SNX8: variants seen among roughly 807,000 people sequenced by gnomAD.
SNX8 encodes sorting nexin-8.
In SNX8, 25 loss-of-function variants were observed where a neutral mutation model predicts 51.6. The ratio of observed to expected loss-of-function variants is 0.48; its 90% CI spans 0.35 to 0.68. The LOEUF is 0.68. Among genes scored for constraint, SNX8 ranks in the 30% least tolerant of loss-of-function variants. The probability of loss-of-function intolerance (pLI) is 0.00; values close to 1 mark genes in which losing one functional copy is unlikely to be tolerated. For synonymous variants in SNX8, 324 were observed against 277.0 expected, an observed-to-expected ratio of 1.17 and a Z score of -1.68; for missense variants, 695 against 624.0, an observed-to-expected ratio of 1.11 and a Z score of -1.21.
At chr7:2,343,214 A>G (rs944600516) in intron 1 of SNX8, among the ~76,000 whole-genome samples, 1 of 151,788 alleles carries the variant, frequency 6.6e-6, no homozygotes, top group African/African-American at 2.4e-5. Context: ...TACAGGCATG[A>G]GCCACCGCAC....
At chr7:2,345,910 C>T (rs918435174) in intron 1 of SNX8, among the ~76,000 whole-genome samples, 10 of 151,902 alleles carry the variant, frequency 6.6e-5, no homozygotes, top group East Asian at 3.9e-4. Flanking sequence ...TGGGTTCAAG[C>T]GATTCTCCTA....
upstream of SNX8, among the ~76,000 whole-genome samples, chr7:2,317,324 A>C (rs893893365): frequency 9.1e-6 from 1 of 110,252 alleles, no homozygotes; most frequent in Non-Finnish European, 1.7e-5. Flanking sequence ...TGTTGCCTGG[A>C]GCGGAGGGCA....
intron 1 of SNX8, among the ~76,000 whole-genome samples, chr7:2,283,602 G>A (rs144722202): frequency 0.014 from 2,126 of 152,272 alleles, 50 homozygotes; most frequent in African/African-American, 0.048. Flanking sequence ...CACGACACAC[G>A]GCTGCTGTCC....
chr7:2,298,127 T>G (rs888583434), intron 1 of SNX8, among the ~76,000 whole-genome samples: 1 of 152,056 alleles, frequency 6.6e-6, no homozygotes, highest in African/African-American at 2.4e-5. Context: ...TTCTTATTTT[T>G]AGAGAGGATC....
chr7:2,334,211 G>C (rs969027416), intron 1 of SNX8, among the ~76,000 whole-genome samples: 2 of 152,070 alleles, frequency 1.3e-5, no homozygotes, highest in African/African-American at 4.8e-5. Context: ...AGACCATCTT[G>C]GCTAACACGG....
chr7:2,251,863 C>T lies in SNX8; in HGVS notation c.*3193G>A, dbSNP rs1043003697. 6.6e-6 allele frequency: 1 copy of T among 152,326 alleles called. No individual in the cohort carries two copies. The highest frequency in any genetic ancestry group is 6.5e-5 in the Admixed American group (1 of 15,282). 9.4% of individuals were successfully genotyped at this position (152,326 alleles called of 1,614,324 possible). ...TGTTGGGTATATTGGGTATTGATCC[C>T]TGCAGCCTCCTAAAGTGCTTTGGAC... On this transcript the variant is annotated 3_prime_UTR_variant, in exon 11 of 11. Coordinates refer to ENST00000222990, the MANE Select transcript of SNX8 (RefSeq NM_013321.4).
At chr7:2,326,136 C>T (rs564336796) in intron 1 of SNX8, among the ~76,000 whole-genome samples, 30 of 152,012 alleles carry the variant, frequency 2.0e-4, no homozygotes, top group Non-Finnish European at 3.4e-4. Context: ...CTGTGGGAGG[C>T]TGAGTTGGGA....
chr7:2,327,555 C>A (rs1360792723), intron 1 of SNX8, among the ~76,000 whole-genome samples: 1 of 152,146 alleles, frequency 6.6e-6, no homozygotes, highest in Non-Finnish European at 1.5e-5. Context: ...CTACATGTGC[C>A]CGCCACCATG....
At chr7:2,295,311 C>G (rs1334944619) in intron 1 of SNX8, among the ~76,000 whole-genome samples, 2 of 148,314 alleles carry the variant, frequency 1.3e-5, no homozygotes, top group Non-Finnish European at 3.0e-5. Context: ...GTCTGAGGCT[C>G]GAGAACTGCT....
At chr7:2,345,043 A>G (rs1778995770) in intron 1 of SNX8, among the ~76,000 whole-genome samples, 1 of 152,186 alleles carries the variant, frequency 6.6e-6, no homozygotes, top group Non-Finnish European at 1.5e-5. Flanking sequence ...TTTGGAGAAC[A>G]ACTTGTTAAT....
At chr7:2,274,870 C>T (rs1795739846) in intron 3 of SNX8, 1 of 518,534 alleles carries the variant, frequency 1.9e-6, no homozygotes, top group Admixed American at 3.3e-5. Context: ...AGGGCTTCCC[C>T]ACCTGTCAGT....
upstream of SNX8, among the ~76,000 whole-genome samples, chr7:2,314,847 T>C (rs1796728573): frequency 6.6e-6 from 1 of 152,060 alleles, no homozygotes; most frequent in South Asian, 2.1e-4. Context: ...CACCCACTCA[T>C]TCGCTCACCC....
At chr7:2,305,761 G>A (rs772057953) in intron 1 of SNX8, among the ~76,000 whole-genome samples, 3 of 151,942 alleles carry the variant, frequency 2.0e-5, no homozygotes, top group Non-Finnish European at 4.4e-5. Flanking sequence ...TACCAAACAC[G>A]TGTAACCACC....
chr7:2,345,172 C>A (rs1199814094), intron 1 of SNX8, among the ~76,000 whole-genome samples: 3 of 151,952 alleles, frequency 2.0e-5, no homozygotes, highest in Admixed American at 2.0e-4. Context: ...CTATTTATAA[C>A]ACTGAAAAAA....
chr7:2,256,167 TA>T (rs11308322), intron 10 of SNX8, among the ~76,000 whole-genome samples: 92,207 of 151,934 alleles, frequency 0.61, 28,878 homozygotes, highest in Middle Eastern at 0.76. Context: ...GGCGGCTGTC[TA>T]CCGCCTCTCC....
chr7:2,267,462 G>A (rs1483336656), intron 5 of SNX8, among the ~76,000 whole-genome samples: 1 of 133,266 alleles, frequency 7.5e-6, no homozygotes, highest in Admixed American at 7.5e-5. Flanking sequence ...GCCTGCGATT[G>A]CAGGCACGCG....
At chr7:2,340,899 A>G (rs1422919163) in intron 1 of SNX8, among the ~76,000 whole-genome samples, 1 of 146,752 alleles carries the variant, frequency 6.8e-6, no homozygotes, top group East Asian at 2.0e-4. Context: ...AAAGCTAATC[A>G]GTACTCGGGT....
rs751803296 is a variant in SNX8, at chr7:2,284,396, CTTT to C, written c.95-6094_95-6092del. On this transcript the variant is annotated intron_variant, in intron 1 of 10. Coordinates refer to ENST00000222990, the MANE Select transcript of SNX8 (RefSeq NM_013321.4). ...TGTTCATAAACACTGCTTTTATTTCCTTTTTTTTTTTTTTTTTTTTTTTGAGAC... is the reference window on the plus strand; with the variant it reads ...TGTTCATAAACACTGCTTTTATTTCCTTTTTTTTTTTTTTTTTTTTGAGAC... 4.9e-3 allele frequency among the ~76,000 whole-genome samples: 433 copies of C among 88,890 alleles called. 1 individual carries two copies. The highest frequency in any genetic ancestry group is 0.017 in the African/African-American group (392 of 22,518). The allele number at this position is 88,890 out of a possible 152,430, so 58.3% of individuals were successfully genotyped here.
At chr7:2,336,555 A>C (rs145356955) in intron 1 of SNX8, among the ~76,000 whole-genome samples, 3,303 of 151,884 alleles carry the variant, frequency 0.022, 118 homozygotes, top group African/African-American at 0.074. Flanking sequence ...AAAAATACAA[A>C]AAATTAGCTG....
Sources: gnomAD v4.1 joint callset for allele counts (sites outside exome capture counted in the v4.1 genomes callset) on GRCh38, gnomAD v4.1.1 for gene constraint, MANE v1.5 for transcripts, NCBI Gene and HGNC (gene_info 2026-07-23, HGNC 2026-07-21) for gene names.